The following EFL1 variants were observed in gnomAD, a reference collection of about 807,000 sequenced individuals.
The protein encoded by EFL1 is elongation factor-like GTPase 1.
A neutral mutation model predicts 126.7 loss-of-function variants in EFL1; 76 were observed. That is an observed-to-expected ratio of 0.60 (90% CI 0.50 to 0.73). The LOEUF (loss-of-function observed/expected upper bound fraction) is 0.73. Ranked by LOEUF, EFL1 falls within the 30% of genes least tolerant of loss-of-function variation. The pLI is 0.00. For synonymous variants in EFL1, 410 were observed against 448.4 expected, an observed-to-expected ratio of 0.91 and a Z score of 1.08; for missense variants, 1,128 against 1,343.2, an observed-to-expected ratio of 0.84 and a Z score of 2.50.
intron 7 of EFL1, among the ~76,000 whole-genome samples, chr15:82,234,844 A>T (rs1414100353): frequency 6.6e-6 from 1 of 152,214 alleles, no homozygotes; most frequent in African/African-American, 2.4e-5. Context: ...AACTACAGTT[A>T]TGGTCCCACT....
rs765661587 is a variant in EFL1 at position 82,225,233 on chromosome 15, A to G, written c.1224T>C (p.Ala408=). The G allele has an allele frequency of 1.2e-6, 2 of 1,612,358 alleles. No individual in the cohort carries two copies. Among genetic ancestry groups the G allele is most frequent in the East Asian group, 2.2e-5 (1 of 44,778 alleles). Residue 408 remains alanine (A), a synonymous_variant, in exon 12 of 20, where the codon GCT becomes GCC. Coordinates refer to ENST00000268206, the MANE Select transcript of EFL1 (RefSeq NM_024580.6). ...AFMKCGSEDT[A]PVIIFVSKMF... The stretch of plus-strand genomic sequence containing the variant: ...TTTTGGAAACAAATATAATAACTGG[A>G]GCAGTGTCCTCACTTCCACATTTCA...
chr15:82,171,082 C>T (rs2074130763), intron 15 of EFL1, among the ~76,000 whole-genome samples: 1 of 152,108 alleles, frequency 6.6e-6, no homozygotes, highest in Non-Finnish European at 1.5e-5. Context: ...TAAATATTTC[C>T]AATTAAAATC....
At chr15:82,259,286 CAA>C (rs2075092529) in intron 2 of EFL1, 131 bp from the exon 3 acceptor site, 1 of 757,730 alleles carries the variant, frequency 1.3e-6, no homozygotes, top group Non-Finnish European at 2.2e-6. Flanking sequence ...TGCTAGGTGA[CAA>C]AAGAGATTTA....
chr15:82,246,639 G>C (rs891368762), intron 4 of EFL1, among the ~76,000 whole-genome samples: 4 of 152,114 alleles, frequency 2.6e-5, no homozygotes, highest in Non-Finnish European at 5.9e-5. Context: ...AGTACAGAGG[G>C]AGAGGTGGAA....
chr15:82,207,527 A>G (rs974894250), intron 15 of EFL1, among the ~76,000 whole-genome samples: 2 of 152,060 alleles, frequency 1.3e-5, no homozygotes, highest in African/African-American at 4.8e-5. Flanking sequence ...TGATTTTTAA[A>G]TTAAAAAATG....
chr15:82,213,575 G>A (rs1226163176), intron 15 of EFL1, among the ~76,000 whole-genome samples: 1 of 152,152 alleles, frequency 6.6e-6, no homozygotes, highest in African/African-American at 2.4e-5. Context: ...AGAGAAGATC[G>A]TATAAAAACC....
chr15:82,227,324 C>G, intron 11 of EFL1, 126 bp downstream of exon 11: 1 of 1,411,322 alleles, frequency 7.1e-7, no homozygotes, highest in Admixed American at 1.7e-5. Context: ...AACTGTTCAT[C>G]TGTGGAAGTG....
At chr15:82,170,416 A>G (rs1052612031) in intron 15 of EFL1, among the ~76,000 whole-genome samples, 3 of 152,182 alleles carry the variant, frequency 2.0e-5, no homozygotes, top group African/African-American at 7.2e-5. Context: ...GCCCGGCCCC[A>G]CTGGATGTCT....
intron 15 of EFL1, among the ~76,000 whole-genome samples, chr15:82,169,435 G>A (rs1360755678): frequency 6.6e-6 from 1 of 152,050 alleles, no homozygotes; most frequent in Admixed American, 6.5e-5. Flanking sequence ...CTGAGGTAGA[G>A]CTGCTAAGTC....
At chr15:82,144,915 C>A (rs577113799) in intron 18 of EFL1, among the ~76,000 whole-genome samples, 7 of 151,690 alleles carry the variant, frequency 4.6e-5, no homozygotes, top group Non-Finnish European at 8.8e-5. Flanking sequence ...ATTGCTTGAA[C>A]CTGGGAAGCA....
At chr15:82,154,359 C>T (rs1840099736) in intron 17 of EFL1, among the ~76,000 whole-genome samples, 1 of 152,096 alleles carries the variant, frequency 6.6e-6, no homozygotes, top group South Asian at 2.1e-4. Context: ...AATATAGTCT[C>T]CTTGTCTCCC....
At chr15:82,227,413 T>G in intron 11 of EFL1, 37 bp downstream of exon 11, 1 of 1,613,862 alleles carries the variant, frequency 6.2e-7, no homozygotes, top group Non-Finnish European at 8.5e-7. Flanking sequence ...GGACAGTCAA[T>G]GACATGGTAT....
intron 15 of EFL1, among the ~76,000 whole-genome samples, chr15:82,180,371 AACAAAAAAAAAACAAAC>A (rs1434866586): frequency 9.7e-6 from 1 of 103,252 alleles, no homozygotes; most frequent in African/African-American, 6.2e-5. Context: ...AAAAAAAAAA[AACAAAAAAAAAACAAAC>A]AAAAAAAACC....
chr15:82,153,856 G>C (rs2073939435), intron 17 of EFL1, among the ~76,000 whole-genome samples: 1 of 151,994 alleles, frequency 6.6e-6, no homozygotes, highest in African/African-American at 2.4e-5. Flanking sequence ...ACCTATTCTT[G>C]ATTTTAAGAA....
Position 82,228,202 on chromosome 15 carries a change from T to C in EFL1, c.1058A>G (p.His353Arg), listed in dbSNP as rs376813416. The part of the protein sequence containing the change: ...AICSQWLPIS[H>R]AVLAMVCQKL... ...AGAATAAAGGATACCAAGAACAGCA[T>C]GGGATATGGGTAGCCACTGACTGCA... The change falls in exon 10 of 20, where the codon CAT becomes CGT. Residue 353 changes from histidine (H) to arginine (R), a missense_variant. Around this residue, in one of 6 missense-constraint regions of EFL1, gnomAD observed 316 missense variants for 318.5 expected, o/e 0.99. Transcript: ENST00000268206. 1.9e-6 allele frequency: 3 copies of C among 1,611,268 alleles called. No individual in the cohort carries two copies. The highest frequency in any genetic ancestry group is 2.2e-5 in the East Asian group (1 of 44,806).
chr15:82,237,746 G>GAAAAAA (rs201310269), intron 7 of EFL1, among the ~76,000 whole-genome samples: 1 of 137,174 alleles, frequency 7.3e-6, no homozygotes. Context: ...GCCCAAAAAG[G>GAAAAAA]AAAAAAAAAA....
Position 82,259,740 on chromosome 15 carries a change from G to A in EFL1, c.92-585C>T, listed in dbSNP as rs1422290224. Among the ~76,000 whole-genome samples the A allele has an allele frequency of 2.6e-5, 4 of 152,200 alleles. No individual in the cohort carries two copies. In the East Asian group the frequency reaches 7.7e-4, roughly 29 times the overall value. The stretch of plus-strand genomic sequence containing the variant: ...AAACAGGTGATTCTGTGTAAAGAAT[G>A]TCAGGGGTATGCATAATTACTACAA... On this transcript the variant is annotated intron_variant, in intron 2 of 19. Coordinates refer to ENST00000268206, the MANE Select transcript of EFL1 (RefSeq NM_024580.6).
chr15:82,236,328 T>A (rs1006282949), intron 7 of EFL1, among the ~76,000 whole-genome samples: 4 of 152,158 alleles, frequency 2.6e-5, no homozygotes, highest in African/African-American at 9.7e-5. Flanking sequence ...CTATAAAATT[T>A]ACATGGAAAG....
intron 15 of EFL1, among the ~76,000 whole-genome samples, chr15:82,168,354 G>A (rs762240725): frequency 9.9e-5 from 15 of 152,142 alleles, no homozygotes; most frequent in Non-Finnish European, 1.8e-4. Flanking sequence ...CAGAAGATGG[G>A]TCAAGTCTGT....
Sources: allele counts gnomAD v4.1 joint callset (sites outside exome capture counted in the v4.1 genomes callset), GRCh38; gene constraint gnomAD v4.1.1; regional missense constraint gnomAD v4.1.1; transcripts MANE v1.5; gene names NCBI Gene and HGNC (gene_info 2026-07-23, HGNC 2026-07-21).